The following KREMEN1 variants were observed in gnomAD, a reference collection of about 807,000 sequenced individuals.
KREMEN1 encodes kremen protein 1.
In KREMEN1, 30 loss-of-function variants were observed where a neutral mutation model predicts 46.5. That is an observed-to-expected ratio of 0.65 (90% CI 0.48 to 0.88). The LOEUF (loss-of-function observed/expected upper bound fraction) is 0.88. KREMEN1 is among the 40% of genes least tolerant of loss of function. The pLI is 0.00. For synonymous variants in KREMEN1, 214 were observed against 230.6 expected, an observed-to-expected ratio of 0.93 and a Z score of 0.65; for missense variants, 533 against 596.9, an observed-to-expected ratio of 0.89 and a Z score of 1.11.
intron 3 of KREMEN1, among the ~76,000 whole-genome samples, chr22:29,100,658 T>G (rs543410543): frequency 6.6e-6 from 1 of 152,354 alleles, no homozygotes; most frequent in East Asian, 1.9e-4. Flanking sequence ...TTTTTACTGT[T>G]ATTTTAGACT....
At chr22:29,164,569 A>G (rs71327335) in intron 9 of KREMEN1, among the ~76,000 whole-genome samples, 2 of 151,900 alleles carry the variant, frequency 1.3e-5, no homozygotes, top group Non-Finnish European at 2.9e-5. Flanking sequence ...AACACAGTGG[A>G]ACCCCATCTC....
At chr22:29,155,491 C>G (rs1294228437) in intron 9 of KREMEN1, among the ~76,000 whole-genome samples, 1 of 151,726 alleles carries the variant, frequency 6.6e-6, no homozygotes, top group Non-Finnish European at 1.5e-5. Context: ...GCCGTGATCA[C>G]GCCATTGCAC....
rs1414949797 is a variant in KREMEN1 at position 29,131,690 on chromosome 22, GTA to G, written c.632-5646_632-5645del. Among the ~76,000 whole-genome samples the G allele has an allele frequency of 6.2e-5, 7 of 112,604 alleles. 1 individual carries two copies. Among genetic ancestry groups the G allele is most frequent in the African/African-American group, 2.7e-4 (7 of 26,350 alleles). The allele number at this position is 112,604 out of a possible 152,430, so 73.9% of individuals were successfully genotyped here. A position where few individuals can be genotyped will look rare whatever the true frequency, so the allele number is the denominator to read the frequency against. On this transcript the variant is annotated intron_variant, in intron 5 of 8. Coordinates refer to ENST00000400335, the MANE Select transcript of KREMEN1 (RefSeq NM_001039570.3). ...CATGTATATATATGCATATATACAT[GTA>G]TATATGTGTATATATATGTATATAT...
intron 5 of KREMEN1, among the ~76,000 whole-genome samples, chr22:29,130,762 A>G (rs146753838): frequency 6.6e-6 from 1 of 152,230 alleles, no homozygotes; most frequent in Non-Finnish European, 1.5e-5. Context: ...AGAGAATCAC[A>G]GAAGGCAGGA....
intron 5 of KREMEN1, among the ~76,000 whole-genome samples, chr22:29,131,664 A>G (rs1186865117): frequency 9.9e-6 from 1 of 100,876 alleles, no homozygotes; most frequent in Non-Finnish European, 2.0e-5. Flanking sequence ...GTATATATAT[A>G]CATGTATATA....
At chr22:29,074,054 A>G (rs570284664) in intron 1 of KREMEN1, among the ~76,000 whole-genome samples, 1 of 152,296 alleles carries the variant, frequency 6.6e-6, no homozygotes, top group South Asian at 2.1e-4. Flanking sequence ...CGCGCAGAGC[A>G]GAGCGGAGGC....
intron 1 of KREMEN1, among the ~76,000 whole-genome samples, chr22:29,090,916 C>T (rs1275808329): frequency 6.6e-6 from 1 of 152,208 alleles, no homozygotes; most frequent in Non-Finnish European, 1.5e-5. Context: ...CCTGCACTTT[C>T]CCATTTCCAC....
chr22:29,108,589 C>T (rs768318409), intron 3 of KREMEN1, among the ~76,000 whole-genome samples: 47 of 152,306 alleles, frequency 3.1e-4, no homozygotes, highest in Non-Finnish European at 6.0e-4. Flanking sequence ...ATGGTATGCT[C>T]TCCCCAGGGA....
rs1334965406 is a variant in KREMEN1, at chr22:29,137,334, T to G, written c.632-8T>G. The stretch of plus-strand genomic sequence containing the variant: ...ACTGAGGGCGTGGTGTCTTTTTCTC[T>G]CCTACAGCTCTCGTGGGCGCCTGCG... On this transcript the variant is annotated splice_polypyrimidine_tract_variant and splice_region_variant and intron_variant, in intron 5 of 8. Transcript: ENST00000400335. 1 of 1,468,268 alleles carries G rather than the reference T, an allele frequency of 6.8e-7. No homozygotes were observed. The highest frequency in any genetic ancestry group is 1.5e-5 in the South Asian group (1 of 65,420). 91.0% of individuals were successfully genotyped at this position (1,468,268 alleles called of 1,614,324 possible).
intron 9 of KREMEN1, among the ~76,000 whole-genome samples, chr22:29,159,718 G>T (rs2038994164): frequency 6.6e-6 from 1 of 152,246 alleles, no homozygotes; most frequent in Admixed American, 6.5e-5. Context: ...GTCAGAAACA[G>T]GTGCTTACTG....
intron 8 of KREMEN1, among the ~76,000 whole-genome samples, chr22:29,141,022 T>C (rs116168742): frequency 6.6e-6 from 1 of 152,304 alleles, no homozygotes; most frequent in African/African-American, 2.4e-5. Context: ...TTCTTCTCAT[T>C]TCACAGCCTC....
chr22:29,106,387 ATT>A (rs139062787), intron 3 of KREMEN1, among the ~76,000 whole-genome samples: 32 of 140,632 alleles, frequency 2.3e-4, no homozygotes, highest in African/African-American at 6.7e-4. Flanking sequence ...CGCCCAGCTA[ATT>A]TTTTTTTTTT....
rs184934888 is a variant in KREMEN1 at position 29,165,430 on chromosome 22, A to G, written c.1417-1614A>G. On this transcript the variant is annotated intron_variant, in intron 9 of 9. Transcript: ENST00000327813. ...AAAAAAAAAAAGTAGTTCAGAAATC[A>G]TACTGTCATTTTCACAACATCCAAT... Among the ~76,000 whole-genome samples, 323 of 152,016 alleles carry G rather than the reference A, an allele frequency of 2.1e-3. 1 individual carries two copies. The highest frequency in any genetic ancestry group is 7.2e-3 in the African/African-American group (298 of 41,450).
chr22:29,076,414 A>C (rs1229693352), intron 1 of KREMEN1, among the ~76,000 whole-genome samples: 2 of 152,186 alleles, frequency 1.3e-5, no homozygotes, highest in Non-Finnish European at 2.9e-5. Context: ...TGTAAGCGAC[A>C]TGGGGGCTGA....
intron 2 of KREMEN1, 107 bp from the exon 3 acceptor site, chr22:29,098,755 G>A: frequency 3.6e-6 from 3 of 830,368 alleles, no homozygotes; most frequent in Non-Finnish European, 6.1e-6. Flanking sequence ...CCAACTATTA[G>A]AAATAATACA....
chr22:29,092,402 C>G (rs1197052479), intron 1 of KREMEN1, among the ~76,000 whole-genome samples: 2 of 152,118 alleles, frequency 1.3e-5, no homozygotes, highest in African/African-American at 2.4e-5. Context: ...AGCACTTAGA[C>G]AGAGTTTGGC....
chr22:29,126,709 T>G (rs1430171000), intron 5 of KREMEN1, among the ~76,000 whole-genome samples: 1 of 152,240 alleles, frequency 6.6e-6, no homozygotes, highest in African/African-American at 2.4e-5. Flanking sequence ...GGTTTATAAC[T>G]GAGCCTTTTA....
chr22:29,083,094 G>C (rs2037680853), intron 1 of KREMEN1, among the ~76,000 whole-genome samples: 1 of 152,100 alleles, frequency 6.6e-6, no homozygotes, highest in Non-Finnish European at 1.5e-5. Context: ...ATTTTTTGTA[G>C]AGACAGCTTT....
intron 2 of KREMEN1, among the ~76,000 whole-genome samples, chr22:29,096,655 A>C (rs1422587238): frequency 6.6e-6 from 1 of 152,240 alleles, no homozygotes; most frequent in East Asian, 1.9e-4. Context: ...CAAAGAGCCC[A>C]GGCCTTTTGT....
Sources: gnomAD v4.1 joint callset for allele counts (sites outside exome capture counted in the v4.1 genomes callset) on GRCh38, gnomAD v4.1.1 for gene constraint, MANE v1.5 for transcripts, NCBI Gene and HGNC (gene_info 2026-07-23, HGNC 2026-07-21) for gene names.